Variants in HTR4 observed in about 807,000 individuals in gnomAD.
HTR4 encodes the protein 5-hydroxytryptamine receptor 4, also known as 5-hydroxytryptamine (serotonin) receptor 4, G protein-coupled.
Under a neutral mutation model 36.8 loss-of-function variants are expected in HTR4, and 16 were observed. The ratio of observed to expected loss-of-function variants is 0.43; its 90% CI spans 0.29 to 0.66. HTR4 has a LOEUF of 0.66. HTR4 is among the 30% of genes least tolerant of loss of function. The pLI, the probability that HTR4 is intolerant of heterozygous loss-of-function variation, is 0.13. For missense variants in HTR4, 438 were observed against 490.9 expected (o/e 0.89, Z 1.02); for synonymous variants, 189 against 185.1 (o/e 1.02, Z -0.17).
At chr5:148,501,596 C>T (rs1253026825) in intron 6 of HTR4, among the ~76,000 whole-genome samples, 1 of 152,126 alleles carries the variant, frequency 6.6e-6, no homozygotes, top group East Asian at 1.9e-4. Context: ...ACATATCAGA[C>T]AATATGTAGA....
intron 5 of HTR4, among the ~76,000 whole-genome samples, chr5:148,451,749 C>T (rs562938481): frequency 6.6e-6 from 1 of 152,234 alleles, no homozygotes; most frequent in East Asian, 1.9e-4. Flanking sequence ...CCTTTTGGTG[C>T]CATTTGGAAC....
At chr5:148,510,271 T>C (rs1294074611) in intron 5 of HTR4, among the ~76,000 whole-genome samples, 1 of 152,086 alleles carries the variant, frequency 6.6e-6, no homozygotes, top group African/African-American at 2.4e-5. Flanking sequence ...AAGCCTACAA[T>C]ACAAAGAACC....
At chr5:148,607,406 T>C (rs564920621) in intron 2 of HTR4, among the ~76,000 whole-genome samples, 57 of 152,314 alleles carry the variant, frequency 3.7e-4, no homozygotes, top group African/African-American at 1.4e-3. Flanking sequence ...CAGTGATGCA[T>C]GCTGTACAGG....
chr5:148,564,871 G>T (rs1760368380), intron 2 of HTR4, among the ~76,000 whole-genome samples: 1 of 152,062 alleles, frequency 6.6e-6, no homozygotes, highest in Non-Finnish European at 1.5e-5. Context: ...CAGCACTTTG[G>T]GAGGCCGAGG....
chr5:148,654,417 C>A lies in HTR4; in HGVS notation c.-403G>T, dbSNP rs757574434. 4 of 985,504 alleles carry A rather than the reference C, an allele frequency of 4.1e-6. No individual in the cohort carries two copies. Among genetic ancestry groups the A allele is most frequent in the Non-Finnish European group, 4.8e-6 (4 of 829,994 alleles). 61.0% of individuals were successfully genotyped at this position (985,504 alleles called of 1,614,324 possible). On this transcript the variant is annotated 5_prime_UTR_variant, in exon 1 of 7. Coordinates refer to ENST00000377888, the MANE Select transcript of HTR4 (RefSeq NM_000870.7). The stretch of plus-strand genomic sequence containing the variant: ...TGGGCGCCAGGGACAGCGGGGGTGC[C>A]GCTCTGCCGGCAGGGCGCACAGGGG...
intron 2 of HTR4, among the ~76,000 whole-genome samples, chr5:148,569,686 C>T (rs191816437): frequency 2.6e-3 from 389 of 151,562 alleles, no homozygotes; most frequent in African/African-American, 9.2e-3. Flanking sequence ...AAAAATTATA[C>T]ATCAATATAC....
rs796374266 is a variant in HTR4, at chr5:148,502,065, G to GA, written c.1076+7390dup. 6.0e-3 allele frequency among the ~76,000 whole-genome samples: 687 copies of GA among 113,622 alleles called. 5 individuals carry two copies. Among genetic ancestry groups the GA allele is most frequent in the Middle Eastern group, 8.5e-3 (2 of 236 alleles). The allele number at this position is 113,622 out of a possible 152,430, so 74.5% of individuals were successfully genotyped here. A position where few individuals can be genotyped will look rare whatever the true frequency, so the allele number is the denominator to read the frequency against. On this transcript the variant is annotated intron_variant, in intron 6 of 6. Transcript: ENST00000377888. ...ACAGAGCGAAACTCTGTCTCAAAAA[G>GA]AAAAAAAAAAAAAAGACTGAACAAA... is the stretch of plus-strand genomic sequence containing the variant.
intron 5 of HTR4, among the ~76,000 whole-genome samples, chr5:148,517,151 C>T (rs770931301): frequency 7.9e-5 from 12 of 152,106 alleles, no homozygotes; most frequent in South Asian, 2.1e-4. Flanking sequence ...TATCTAGAAC[C>T]CAATTCTCTC....
chr5:148,534,657 G>C (rs1305974463), intron 4 of HTR4, among the ~76,000 whole-genome samples: 1 of 152,070 alleles, frequency 6.6e-6, no homozygotes, highest in Admixed American at 6.5e-5. Flanking sequence ...TTGACCCAAG[G>C]AGAGGAGGCC....
intron 4 of HTR4, among the ~76,000 whole-genome samples, chr5:148,545,251 T>C (rs1024779032): frequency 1.2e-4 from 18 of 152,240 alleles, no homozygotes; most frequent in Non-Finnish European, 1.9e-4. Flanking sequence ...ACTTATGGTA[T>C]TGGAGTTTTT....
At chr5:148,480,097 T>C (rs182355260), downstream of HTR4, among the ~76,000 whole-genome samples, 20 of 152,344 alleles carry the variant, frequency 1.3e-4, no homozygotes, top group African/African-American at 4.8e-4. Flanking sequence ...AGCATGGGGA[T>C]GATTTTGATG....
At chr5:148,475,045 C>CAA (rs60611116), downstream of HTR4, among the ~76,000 whole-genome samples, 27 of 147,586 alleles carry the variant, frequency 1.8e-4, no homozygotes, top group East Asian at 7.9e-4. Context: ...ACTCCTTCTC[C>CAA]AAAAAAAAAA....
chr5:148,614,062 C>G (rs1453850568), intron 2 of HTR4, among the ~76,000 whole-genome samples: 1 of 151,812 alleles, frequency 6.6e-6, no homozygotes, highest in African/African-American at 2.4e-5. Context: ...ACATTCTATG[C>G]TCATGGGTAG....
intron 2 of HTR4, among the ~76,000 whole-genome samples, chr5:148,612,201 C>G (rs1175528035): frequency 3.9e-5 from 6 of 152,168 alleles, no homozygotes; most frequent in Non-Finnish European, 7.3e-5. Flanking sequence ...ACAGAACTCT[C>G]CACCACAAAT....
downstream of HTR4, among the ~76,000 whole-genome samples, chr5:148,478,413 T>C (rs1289461615): frequency 6.6e-6 from 1 of 152,190 alleles, no homozygotes; most frequent in Non-Finnish European, 1.5e-5. Context: ...GGCTTAGGTC[T>C]TCATTCTAGG....
At chr5:148,649,094 T>C (rs1445543824) in intron 1 of HTR4, among the ~76,000 whole-genome samples, 1 of 152,196 alleles carries the variant, frequency 6.6e-6, no homozygotes, top group East Asian at 1.9e-4. Context: ...TTCTCATCTG[T>C]AGATGAGAGA....
At chr5:148,531,330 G>T (rs1395211693) in intron 4 of HTR4, among the ~76,000 whole-genome samples, 8 of 151,990 alleles carry the variant, frequency 5.3e-5, no homozygotes, top group African/African-American at 1.9e-4. Context: ...TCATGGGGTG[G>T]GTGTTCCCCA....
intron 1 of HTR4, among the ~76,000 whole-genome samples, chr5:148,639,429 C>T (rs951329759): frequency 2.6e-5 from 4 of 151,970 alleles, no homozygotes; most frequent in Non-Finnish European, 5.9e-5. Flanking sequence ...AGGTTCCCAT[C>T]TCAGGGCCTT....
At chr5:148,537,285 A>G (rs2113824780) in intron 4 of HTR4, among the ~76,000 whole-genome samples, 1 of 152,248 alleles carries the variant, frequency 6.6e-6, no homozygotes, top group East Asian at 1.9e-4. Flanking sequence ...TCAAAAAGTT[A>G]TAAAGATCTC....
Sources: allele counts gnomAD v4.1 joint callset (sites outside exome capture counted in the v4.1 genomes callset), GRCh38; gene constraint gnomAD v4.1.1; transcripts MANE v1.5; gene names NCBI Gene and HGNC (gene_info 2026-07-23, HGNC 2026-07-21).